Variants in TENM2 observed in about 807,000 individuals in gnomAD.
TENM2 encodes teneurin-2.
Under a neutral mutation model 245.2 loss-of-function variants are expected in TENM2, and 52 were observed. That is an observed-to-expected ratio of 0.21 (90% CI 0.17 to 0.27). The LOEUF (loss-of-function observed/expected upper bound fraction) is 0.27. Among genes scored for constraint, TENM2 ranks in the 10% least tolerant of loss-of-function variants. The probability of loss-of-function intolerance (pLI) is 1.00; values close to 1 mark genes in which losing one functional copy is unlikely to be tolerated. For synonymous variants in TENM2, 1,363 were observed against 1,438.9 expected (o/e 0.95, Z 1.19); for missense variants, 3,046 against 3,666.8 (o/e 0.83, Z 4.37).
chr5:167,367,363 AC>A (rs1380002673), intron 1 of TENM2, among the ~76,000 whole-genome samples: 2 of 152,178 alleles, frequency 1.3e-5, no homozygotes, highest in African/African-American at 4.8e-5. Flanking sequence ...TTCTTAAAGC[AC>A]ACTTCTGAAA....
the TENM2 span, among the ~76,000 whole-genome samples, chr5:167,272,016 T>C: frequency 6.6e-6 from 1 of 152,078 alleles, no homozygotes; most frequent in East Asian, 1.9e-4. Context: ...TATTTTGGAG[T>C]GTATCTATGC....
At chr5:167,012,400 A>T in the TENM2 span, among the ~76,000 whole-genome samples, 2 of 152,230 alleles carry the variant, frequency 1.3e-5, no homozygotes, top group Admixed American at 6.5e-5. Flanking sequence ...GGAGACAAAT[A>T]ATAAATGTTT....
the TENM2 span, among the ~76,000 whole-genome samples, chr5:167,185,974 T>C: frequency 6.6e-6 from 1 of 152,128 alleles, no homozygotes; most frequent in African/African-American, 2.4e-5. Flanking sequence ...CCTTTGGTGG[T>C]GGCAGGGAAA....
At position 168,218,733 on chromosome 5, in the gene TENM2, G is replaced by T. The variant is rs1384023851; in HGVS notation, c.4842G>T (p.Leu1614Phe). The T allele has an allele frequency of 6.2e-7, 1 of 1,613,902 alleles. No homozygotes were observed. Among genetic ancestry groups the T allele is most frequent in the Non-Finnish European group, 8.5e-7 (1 of 1,179,902 alleles). Residue 1614 changes from leucine (L) to phenylalanine (F), a missense_variant, in exon 23 of 29, where the codon TTG becomes TTT. Physicochemically the swap from Leu to Phe is conservative, Grantham distance 22. Around this residue, in one of 2 missense-constraint regions of TENM2, gnomAD observed 2,704 missense variants for 3,331.9 expected, o/e 0.81. Coordinates refer to ENST00000518659, the Ensembl canonical transcript of TENM2. The surrounding 1 kb of genome is among the most constrained non-coding windows in gnomAD (Gnocchi z 5.2). The stretch of plus-strand genomic sequence containing the variant: ...TGAGCCTGGTGACAGGGGAGTACTT[G>T]TACAATTTCACATATAGTACTGACA...
At chr5:167,282,679 C>T (rs1036743775), upstream of TENM2, among the ~76,000 whole-genome samples, 1 of 152,180 alleles carries the variant, frequency 6.6e-6, no homozygotes, top group Non-Finnish European at 1.5e-5. Context: ...GACAAGGACT[C>T]TGCCTCACCA....
At chr5:167,629,458 C>G (rs1403258112) in intron 2 of TENM2, among the ~76,000 whole-genome samples, 1 of 152,138 alleles carries the variant, frequency 6.6e-6, no homozygotes, top group Non-Finnish European at 1.5e-5. Context: ...ACACTTAAAT[C>G]TCATGCACAA....
At chr5:167,544,248 T>C (rs528104531) in intron 2 of TENM2, among the ~76,000 whole-genome samples, 51 of 152,338 alleles carry the variant, frequency 3.3e-4, no homozygotes, top group African/African-American at 1.2e-3. Context: ...AGTAATCTTC[T>C]GGACATGGGG....
At chr5:168,190,742 T>A in intron 14 of TENM2, 195 bp downstream of exon 16, 1 of 507,078 alleles carries the variant, frequency 2.0e-6, no homozygotes, top group Non-Finnish European at 3.5e-6. Flanking sequence ...AGCCCTAGTG[T>A]CTTTGCAGGA....
At chr5:167,827,934 A>G (rs1768126061) in intron 2 of TENM2, among the ~76,000 whole-genome samples, 1 of 151,976 alleles carries the variant, frequency 6.6e-6, no homozygotes, top group Admixed American at 6.6e-5. Flanking sequence ...TTCAGTTTCC[A>G]CTGCCTTCCC....
chr5:168,241,243 TTTTC>T (rs1413145490), intron 25 of TENM2: 2 of 135,666 alleles, frequency 1.5e-5, no homozygotes, highest in African/African-American at 5.8e-5. Context: ...ATGCATTCTC[TTTTC>T]TTTTTCTTTT....
chr5:168,201,328 A>G (rs1206058407), intron 17 of TENM2, among the ~76,000 whole-genome samples: 2 of 151,992 alleles, frequency 1.3e-5, no homozygotes, highest in African/African-American at 4.8e-5. Flanking sequence ...ACAGATATAT[A>G]TATGTATATA....
chr5:167,085,374 G>T, the TENM2 span, among the ~76,000 whole-genome samples: 2 of 152,158 alleles, frequency 1.3e-5, no homozygotes, highest in African/African-American at 4.8e-5. Context: ...GCCTGAGAGA[G>T]TGTACTTCTA....
At chr5:167,759,307 T>C (rs921807407) in intron 2 of TENM2, among the ~76,000 whole-genome samples, 1 of 152,034 alleles carries the variant, frequency 6.6e-6, no homozygotes, top group African/African-American at 2.4e-5. Flanking sequence ...TTAGCACATA[T>C]GAGGGTGTTA....
chr5:167,784,597 C>T (rs948789706), intron 2 of TENM2, among the ~76,000 whole-genome samples: 5 of 152,300 alleles, frequency 3.3e-5, no homozygotes, highest in African/African-American at 9.6e-5. Context: ...TCTCTGCTCA[C>T]CTGCTTTTAA....
the TENM2 span, among the ~76,000 whole-genome samples, chr5:167,236,652 G>A: frequency 0.21 from 31,725 of 152,148 alleles, 3,890 homozygotes; most frequent in African/African-American, 0.34. Context: ...AGGGAAGGCC[G>A]CAGGAGGGCT....
At chr5:167,366,746 C>T (rs556788151) in intron 1 of TENM2, among the ~76,000 whole-genome samples, 170 of 152,214 alleles carry the variant, frequency 1.1e-3, no homozygotes, top group African/African-American at 4.0e-3. Context: ...GTAAACTAAC[C>T]TAGTAGCCTT....
intron 4 of TENM2, among the ~76,000 whole-genome samples, chr5:167,963,984 C>T (rs928258535): frequency 1.4e-4 from 21 of 152,164 alleles, no homozygotes; most frequent in African/African-American, 4.3e-4. Flanking sequence ...TATAATCCAA[C>T]GAAAATCAAA....
chr5:167,217,406 C>T, the TENM2 span, among the ~76,000 whole-genome samples: 6 of 152,190 alleles, frequency 3.9e-5, no homozygotes, highest in African/African-American at 7.2e-5. Context: ...TTAAGAAGCA[C>T]GGACTGAGAT....
chr5:168,184,150 A>G (rs1457073185), intron 13 of TENM2, among the ~76,000 whole-genome samples: 1 of 152,196 alleles, frequency 6.6e-6, no homozygotes, highest in Non-Finnish European at 1.5e-5. Context: ...TGAACATCCT[A>G]TCGATGGGTC....
Sources: gnomAD v4.1 joint callset for allele counts (sites outside exome capture counted in the v4.1 genomes callset) on GRCh38, gnomAD v4.1.1 for gene constraint, gnomAD v4.1.1 regional missense constraint, Gnocchi (gnomAD v3.1) non-coding constraint, MANE v1.5 for transcripts, NCBI Gene and HGNC (gene_info 2026-07-23, HGNC 2026-07-21) for gene names.